TBC1D14: variants seen among roughly 807,000 people sequenced by gnomAD.
TBC1D14 encodes TBC1 domain family, member 14.
A neutral mutation model predicts 79.0 loss-of-function variants in TBC1D14; 26 were observed. The ratio of observed to expected loss-of-function variants is 0.33; its 90% confidence interval spans 0.24 to 0.46. The LOEUF is 0.46. Among genes scored for constraint, TBC1D14 ranks in the 20% least tolerant of loss-of-function variants. The probability of loss-of-function intolerance (pLI) is 1.00; values close to 1 mark genes in which losing one functional copy is unlikely to be tolerated. For synonymous variants in TBC1D14, 394 were observed against 349.9 expected (o/e 1.13, Z -1.40); for missense variants, 769 against 887.6 (o/e 0.87, Z 1.70).
chr4:6,952,021 T>A (rs1714088978), intron 2 of TBC1D14, among the ~76,000 whole-genome samples: 1 of 152,150 alleles, frequency 6.6e-6, no homozygotes, highest in Non-Finnish European at 1.5e-5. Context: ...TTGTCGTGGT[T>A]ATGCCCCTTT....
intron 2 of TBC1D14, among the ~76,000 whole-genome samples, chr4:6,955,912 G>T (rs1478254074): frequency 6.6e-6 from 1 of 151,984 alleles, no homozygotes; most frequent in Non-Finnish European, 1.5e-5. Context: ...GACGAGTCTG[G>T]GCCCATCTCC....
chr4:7,018,979 A>C (rs141788288), intron 12 of TBC1D14, among the ~76,000 whole-genome samples: 33 of 152,288 alleles, frequency 2.2e-4, no homozygotes, highest in Non-Finnish European at 1.5e-4. Flanking sequence ...ATTATGTTTA[A>C]TGATCCTTGG....
Position 6,994,254 on chromosome 4 carries a change from A to C in TBC1D14, c.914A>C (p.Asp305Ala). The change falls in exon 4 of 14, where the codon GAC becomes GCC. Residue 305 changes from aspartate (D) to alanine (A), a missense_variant. By Grantham distance (126) the Asp-to-Ala change is moderately radical. Transcript: ENST00000409757. ...SPKQNVRKNL[D>A]FEPLSTTALI... ...AAGCAGAATGTGAGGAAGAATCTTG[A>C]CTTTGAACCACTTTCCACCACCGCA... is the stretch of plus-strand genomic sequence containing the variant. The C allele has an allele frequency of 6.2e-7, 1 of 1,614,196 alleles. No homozygotes were observed. The highest frequency in any genetic ancestry group is 8.5e-7 in the Non-Finnish European group (1 of 1,180,042).
chr4:6,919,841 A>G (rs7654445), intron 1 of TBC1D14, among the ~76,000 whole-genome samples: 146,647 of 152,238 alleles, frequency 0.96, 70,874 homozygotes, highest in East Asian at 1. Flanking sequence ...GGCTGGTCTC[A>G]AACTCCTGAC....
intron 1 of TBC1D14, among the ~76,000 whole-genome samples, chr4:6,918,242 A>C (rs893762180): frequency 6.6e-6 from 1 of 152,228 alleles, no homozygotes; most frequent in Non-Finnish European, 1.5e-5. Context: ...GATTGCCATG[A>C]ATGAAATCCT....
At chr4:6,999,772 T>C (rs1412354996) in intron 6 of TBC1D14, among the ~76,000 whole-genome samples, 2 of 152,102 alleles carry the variant, frequency 1.3e-5, no homozygotes, top group African/African-American at 4.8e-5. Context: ...TAGGGCCCTG[T>C]GGTTCTGTGT....
chr4:7,020,555 A>C (rs1425780604), intron 12 of TBC1D14, among the ~76,000 whole-genome samples: 1 of 152,174 alleles, frequency 6.6e-6, no homozygotes, highest in African/African-American at 2.4e-5. Context: ...ACACAGCTAG[A>C]AATTGGTAAT....
intron 2 of TBC1D14, among the ~76,000 whole-genome samples, chr4:6,947,374 T>A (rs528844788): frequency 1.6e-4 from 25 of 152,206 alleles, no homozygotes; most frequent in African/African-American, 6.0e-4. Context: ...GGCGGGTGCC[T>A]GTAGTCCCAG....
At chr4:7,015,901 C>T (rs947351181) in intron 12 of TBC1D14, among the ~76,000 whole-genome samples, 4 of 152,244 alleles carry the variant, frequency 2.6e-5, no homozygotes, top group Non-Finnish European at 5.9e-5. Flanking sequence ...AAAGAATGTA[C>T]TATTCGACCA....
intron 2 of TBC1D14, among the ~76,000 whole-genome samples, chr4:6,952,771 C>A (rs1714160394): frequency 6.6e-6 from 1 of 151,994 alleles, no homozygotes; most frequent in African/African-American, 2.4e-5. Context: ...GTTGACATAA[C>A]TGAATGGCGT....
intron 2 of TBC1D14, among the ~76,000 whole-genome samples, chr4:6,964,340 C>A (rs1248829049): frequency 6.6e-6 from 1 of 152,186 alleles, no homozygotes; most frequent in African/African-American, 2.4e-5. Flanking sequence ...ATTCTCCCGT[C>A]CATTCCTTAC....
chr4:7,021,748 G>A (rs536254608), intron 12 of TBC1D14, among the ~76,000 whole-genome samples: 2 of 152,106 alleles, frequency 1.3e-5, no homozygotes, highest in South Asian at 2.1e-4. Context: ...AATATGCAGT[G>A]GTCGGAGGCA....
intron 1 of TBC1D14, among the ~76,000 whole-genome samples, chr4:6,915,163 C>G (rs1560237217): frequency 6.6e-6 from 1 of 152,222 alleles, no homozygotes; most frequent in Non-Finnish European, 1.5e-5. Flanking sequence ...AGAGGCTCGA[C>G]TGGGCTGTTT....
rs552704413 is a variant in TBC1D14, at chr4:6,924,209, AGGC to A, written c.722+99_722+101del. On this transcript the variant is annotated intron_variant, in intron 2 of 13. Coordinates refer to ENST00000409757, the MANE Select transcript of TBC1D14 (RefSeq NM_020773.3). ...TGTGTTGTGTGTTCTCTGTGGTGTT[AGGC>A]AGGCACTGTCTCACACAGATAATTG... 1.3e-4 allele frequency: 185 copies of A among 1,447,816 alleles called. No homozygotes were observed. The South Asian group carries it at 2.3e-3, about 18-fold the overall frequency. The allele number at this position is 1,447,816 out of a possible 1,614,324, so 89.7% of individuals were successfully genotyped here.
At chr4:6,911,841 G>A (rs1723020561) in intron 1 of TBC1D14, among the ~76,000 whole-genome samples, 1 of 152,198 alleles carries the variant, frequency 6.6e-6, no homozygotes, top group Admixed American at 6.6e-5. Context: ...CGTGCAGGTC[G>A]GGGGTTGCTT....
chr4:7,010,905 A>G (rs1720697890), intron 11 of TBC1D14, 124 bp downstream of exon 11: 2 of 1,203,666 alleles, frequency 1.7e-6, no homozygotes, highest in East Asian at 5.0e-5. Flanking sequence ...TGTTTAGAGT[A>G]AGCAGCACTG....
chr4:6,992,258 C>A (rs527464180), intron 3 of TBC1D14, among the ~76,000 whole-genome samples: 4 of 152,370 alleles, frequency 2.6e-5, no homozygotes, highest in African/African-American at 4.8e-5. Context: ...CCAGAGCTAT[C>A]TGGCTGCAGA....
intron 12 of TBC1D14, among the ~76,000 whole-genome samples, chr4:7,015,623 T>C (rs1030732171): frequency 1.3e-5 from 2 of 152,078 alleles, no homozygotes; most frequent in East Asian, 1.9e-4. Context: ...GAGCACCATG[T>C]TTGAGGGCCA....
At chr4:7,019,705 A>C (rs1281339024) in intron 12 of TBC1D14, among the ~76,000 whole-genome samples, 2 of 151,790 alleles carry the variant, frequency 1.3e-5, no homozygotes, top group African/African-American at 4.9e-5. Context: ...TGCTGGGCTC[A>C]GGTTAGGGAG....
Sources: allele counts gnomAD v4.1 joint callset (sites outside exome capture counted in the v4.1 genomes callset), GRCh38; gene constraint gnomAD v4.1.1; transcripts MANE v1.5; gene names NCBI Gene and HGNC (gene_info 2026-07-23, HGNC 2026-07-21).